Variants in TENM4 observed in about 807,000 individuals in gnomAD.
TENM4 encodes the protein teneurin transmembrane protein 4.
In TENM4, 82 loss-of-function variants were observed where a neutral mutation model predicts 243.3. That is an observed-to-expected ratio of 0.34 (90% CI 0.28 to 0.40). The LOEUF (loss-of-function observed/expected upper bound fraction) is 0.40. TENM4 is among the 10% of genes least tolerant of loss of function. TENM4 has a pLI of 1.00. For missense variants in TENM4, 3,138 were observed against 3,673.3 expected (o/e 0.85, Z 3.77); for synonymous variants, 1,412 against 1,456.3 (o/e 0.97, Z 0.69).
intron 1 of TENM4, among the ~76,000 whole-genome samples, chr11:79,375,749 G>A (rs961720291): frequency 1.3e-5 from 2 of 152,176 alleles, no homozygotes; most frequent in African/African-American, 4.8e-5. Flanking sequence ...AATAAAAGAA[G>A]TGACCTTTAA....
At chr11:79,058,340 G>A (rs998537272) in intron 6 of TENM4, among the ~76,000 whole-genome samples, 1 of 152,048 alleles carries the variant, frequency 6.6e-6, no homozygotes, top group Admixed American at 6.6e-5. Flanking sequence ...TCAGGAGATC[G>A]AGACCATCCT....
chr11:79,077,794 A>G (rs1399190115), intron 4 of TENM4, among the ~76,000 whole-genome samples: 1 of 152,214 alleles, frequency 6.6e-6, no homozygotes, highest in African/African-American at 2.4e-5. Context: ...CCTACATGGT[A>G]AATGTAAGTG....
chr11:78,671,719 A>G (rs1448046962), intron 31 of TENM4, among the ~76,000 whole-genome samples: 1 of 152,136 alleles, frequency 6.6e-6, no homozygotes, highest in East Asian at 1.9e-4. Flanking sequence ...CATGCCCTAG[A>G]CCTGGGAGCA....
At chr11:79,356,712 C>A (rs1460384601) in intron 1 of TENM4, among the ~76,000 whole-genome samples, 1 of 151,968 alleles carries the variant, frequency 6.6e-6, no homozygotes, top group Non-Finnish European at 1.5e-5. Context: ...TCATCATCAT[C>A]ATCACTATTA....
chr11:79,089,002 C>A (rs931151858), intron 4 of TENM4, among the ~76,000 whole-genome samples: 1 of 152,162 alleles, frequency 6.6e-6, no homozygotes, highest in Non-Finnish European at 1.5e-5. Flanking sequence ...TCCTGCAGAC[C>A]CACATGGTCA....
At chr11:78,794,427 C>T (rs562929949) in intron 15 of TENM4, among the ~76,000 whole-genome samples, 5 of 152,268 alleles carry the variant, frequency 3.3e-5, no homozygotes, top group Non-Finnish European at 5.9e-5. Flanking sequence ...AGGTAGGAGG[C>T]GGGAATCTCC....
chr11:78,863,427 G>C (rs1858876070), intron 9 of TENM4, among the ~76,000 whole-genome samples: 1 of 152,160 alleles, frequency 6.6e-6, no homozygotes, highest in Non-Finnish European at 1.5e-5. Context: ...ATAACAATCT[G>C]GGGGAAAAAC....
rs200677222 is a variant in TENM4 at position 79,148,571 on chromosome 11, GA to G, written c.-66+138del. ...GCACTCTTTGTTCATTGTTCTTAGG[GA>G]AAAAAAAATCTTTATTGTAAAATAA... is the stretch of plus-strand genomic sequence containing the variant. On this transcript the variant is annotated intron_variant, in intron 4 of 33. Transcript: ENST00000278550. 476 of 161,958 alleles carry G rather than the reference GA, an allele frequency of 2.9e-3. 3 individuals carry two copies. The highest frequency in any genetic ancestry group is 0.011 in the African/African-American group (434 of 41,296). 10.0% of individuals were successfully genotyped at this position (161,958 alleles called of 1,614,324 possible). A position where few individuals can be genotyped will look rare whatever the true frequency, so the allele number is the denominator to read the frequency against.
At chr11:78,920,702 A>G (rs1276089751) in intron 6 of TENM4, among the ~76,000 whole-genome samples, 1 of 152,238 alleles carries the variant, frequency 6.6e-6, no homozygotes, top group Admixed American at 6.5e-5. Context: ...AGAGAGGAAA[A>G]CATCAAACAA....
intron 4 of TENM4, among the ~76,000 whole-genome samples, chr11:79,129,317 G>T (rs561029976): frequency 6.6e-6 from 1 of 152,330 alleles, no homozygotes; most frequent in East Asian, 1.9e-4. Flanking sequence ...ACTCCACAGG[G>T]AGAAGGAAAT....
intron 3 of TENM4, among the ~76,000 whole-genome samples, chr11:79,207,853 C>T (rs1343682521): frequency 7.9e-6 from 1 of 126,742 alleles, no homozygotes; most frequent in Non-Finnish European, 1.6e-5. Flanking sequence ...ATGACAGAGC[C>T]AGACTCTGTC....
chr11:79,068,890 A>T (rs1036017047), intron 5 of TENM4, among the ~76,000 whole-genome samples: 12 of 152,172 alleles, frequency 7.9e-5, no homozygotes, highest in Non-Finnish European at 1.6e-4. Flanking sequence ...AGATTTGGGG[A>T]AAGAGTTCTA....
intron 6 of TENM4, among the ~76,000 whole-genome samples, chr11:78,990,063 T>TAAAAAAAAAAAAAAAAAAAAAAA (rs780530657): frequency 5.8e-5 from 8 of 139,022 alleles, no homozygotes; most frequent in African/African-American, 2.2e-4. Context: ...AGGCTTTGTT[T>TAAAAAAAAAAAAAAAAAAAAAAA]AAAAAAAAAA....
intron 15 of TENM4, among the ~76,000 whole-genome samples, chr11:78,794,624 G>A (rs993283276): frequency 1.3e-5 from 2 of 152,212 alleles, no homozygotes; most frequent in Non-Finnish European, 2.9e-5. Flanking sequence ...GTGGTGAATG[G>A]TTAAAATGAT....
At chr11:78,663,138 A>T (rs1858073190) in intron 32 of TENM4, among the ~76,000 whole-genome samples, 1 of 152,214 alleles carries the variant, frequency 6.6e-6, no homozygotes, top group African/African-American at 2.4e-5. Context: ...ACAGACAGAC[A>T]GCCTGTGTCC....
intron 7 of TENM4, among the ~76,000 whole-genome samples, chr11:78,891,790 G>GCT (rs370324764): frequency 6.6e-5 from 10 of 151,992 alleles, no homozygotes; most frequent in Non-Finnish European, 1.3e-4. Flanking sequence ...CAAAGCCTGT[G>GCT]CTCTCTCTCT....
intron 15 of TENM4, among the ~76,000 whole-genome samples, chr11:78,799,091 G>T (rs935459895): frequency 3.3e-5 from 5 of 152,146 alleles, no homozygotes; most frequent in Non-Finnish European, 5.9e-5. Flanking sequence ...CTACTGTGGG[G>T]TGCTCTCTCT....
chr11:78,782,774 A>T (rs1304886321), intron 16 of TENM4, among the ~76,000 whole-genome samples: 3 of 149,114 alleles, frequency 2.0e-5, no homozygotes, highest in African/African-American at 5.0e-5. Context: ...TTTTTTTTTA[A>T]AAAAAAAAAA....
At chr11:79,033,051 G>C (rs1454653351) in intron 6 of TENM4, among the ~76,000 whole-genome samples, 1 of 152,080 alleles carries the variant, frequency 6.6e-6, no homozygotes, top group Non-Finnish European at 1.5e-5. Flanking sequence ...CCTGGAGACT[G>C]TTCCTGCAGC....
Sources: gnomAD v4.1 joint callset for allele counts (sites outside exome capture counted in the v4.1 genomes callset) on GRCh38, gnomAD v4.1.1 for gene constraint, MANE v1.5 for transcripts, NCBI Gene and HGNC (gene_info 2026-07-23, HGNC 2026-07-21) for gene names.